Variants in PREX2 observed in about 807,000 individuals in gnomAD.
PREX2 encodes the protein phosphatidylinositol 3,4,5-trisphosphate-dependent Rac exchanger 2 protein.
A neutral mutation model predicts 203.2 loss-of-function variants in PREX2; 107 were observed. The observed-to-expected ratio is 0.53, with a 90% confidence interval of 0.45 to 0.62. The LOEUF (loss-of-function observed/expected upper bound fraction) is 0.62, where lower values mean the gene tolerates loss of function less well. Among genes scored for constraint, PREX2 ranks in the 20% least tolerant of loss-of-function variants. The pLI is 0.00. For synonymous variants in PREX2, 672 were observed against 663.6 expected, an observed-to-expected ratio of 1.01 and a Z score of -0.19; for missense variants, 1,777 against 1,955.9, an observed-to-expected ratio of 0.91 and a Z score of 1.72.
chr8:67,980,987 C>G (rs1585674590), intron 1 of PREX2, among the ~76,000 whole-genome samples: 1 of 152,154 alleles, frequency 6.6e-6, no homozygotes, highest in Non-Finnish European at 1.5e-5. Flanking sequence ...ATTCAACAAC[C>G]TGGTGTAAGT....
At position 68,133,999 on chromosome 8, in the gene PREX2, A is replaced by G. The variant is rs1811059400; in HGVS notation, c.3767-60A>G. ...GCTAGTGAATGTAGATGCTGAACGC[A>G]TTGGTTTTCACCATCTGCAACATTT... On this transcript the variant is annotated intron_variant, in intron 31 of 39. Transcript: ENST00000288368. 3.7e-6 allele frequency: 5 copies of G among 1,336,948 alleles called. No homozygotes were observed. In the East Asian group the frequency reaches 6.9e-5, roughly 18 times the overall value. The allele number at this position is 1,336,948 out of a possible 1,614,324, so 82.8% of individuals were successfully genotyped here. A position where few individuals can be genotyped will look rare whatever the true frequency, so the allele number is the denominator to read the frequency against.
At position 68,191,771 on chromosome 8, in the gene PREX2, G is replaced by A; in HGVS notation, c.4396G>A (p.Ala1466Thr). ...SNSPPNSTSK[A>T]AYVDKLMRPL... ...TTCACCACCAAACTCCACATCCAAAGCTGCCTATGTAGATAAGGTAAAAAC... is the reference window on the plus strand; with the variant it reads ...TTCACCACCAAACTCCACATCCAAAACTGCCTATGTAGATAAGGTAAAAAC... The change falls in exon 36 of 40, where the codon GCT becomes ACT. Residue 1466 changes from alanine to threonine, a missense_variant. Transcript: ENST00000288368. 6.2e-7 allele frequency: 1 copy of A among 1,608,086 alleles called. No individual in the cohort carries two copies. Among genetic ancestry groups the A allele is most frequent in the South Asian group, 1.1e-5 (1 of 90,870 alleles).
intron 8 of PREX2, among the ~76,000 whole-genome samples, chr8:68,051,076 G>T (rs1808515027): frequency 6.6e-6 from 1 of 152,010 alleles, no homozygotes; most frequent in African/African-American, 2.4e-5. Context: ...TTGAGGGAGG[G>T]CCAGCAGGGT....
intron 7 of PREX2, among the ~76,000 whole-genome samples, chr8:68,042,604 C>T (rs937453821): frequency 6.6e-6 from 1 of 152,072 alleles, no homozygotes; most frequent in Non-Finnish European, 1.5e-5. Context: ...CTATTGTATA[C>T]ATTCTTGTAT....
At chr8:68,123,177 C>T (rs1810815192) in intron 30 of PREX2, among the ~76,000 whole-genome samples, 1 of 151,996 alleles carries the variant, frequency 6.6e-6, no homozygotes, top group Admixed American at 6.6e-5. Context: ...CTTTATAAAT[C>T]TGGGAAATTA....
intron 3 of PREX2, among the ~76,000 whole-genome samples, chr8:68,020,993 A>G (rs1043860431): frequency 3.3e-5 from 5 of 152,208 alleles, no homozygotes; most frequent in Admixed American, 6.5e-5. Context: ...CAAAATTTCA[A>G]TGGGCGCACT....
At chr8:67,978,128 C>T (rs1321557363) in intron 1 of PREX2, among the ~76,000 whole-genome samples, 1 of 152,176 alleles carries the variant, frequency 6.6e-6, no homozygotes, top group African/African-American at 2.4e-5. Flanking sequence ...CCTGTGGAAT[C>T]TGACGCTATC....
chr8:68,160,444 T>G (rs1219538244), intron 35 of PREX2, among the ~76,000 whole-genome samples: 1 of 152,074 alleles, frequency 6.6e-6, no homozygotes, highest in African/African-American at 2.4e-5. Flanking sequence ...CAAACCAGAA[T>G]TTTAGAAAGC....
chr8:68,122,329 G>A (rs1408772082), intron 30 of PREX2, among the ~76,000 whole-genome samples: 2 of 151,812 alleles, frequency 1.3e-5, no homozygotes, highest in Non-Finnish European at 1.5e-5. Flanking sequence ...TTTGACAGCT[G>A]GTTTTCTTGG....
Position 68,236,192 on chromosome 8 carries a change from A to G in PREX2, c.*4814A>G, listed in dbSNP as rs1302064835. The G allele has an allele frequency of 6.6e-6, 1 of 152,150 alleles. No homozygotes were observed. The highest frequency in any genetic ancestry group is 2.4e-5 in the African/African-American group (1 of 41,452). 9.4% of individuals were successfully genotyped at this position (152,150 alleles called of 1,614,324 possible). On this transcript the variant is annotated 3_prime_UTR_variant, in exon 40 of 40. Transcript: ENST00000288368. ...ATCACTGACACTACTTTGCTGTTCA[A>G]TCTGGAATCAACTGACCTGGCTCTG... is the stretch of plus-strand genomic sequence containing the variant.
intron 23 of PREX2, chr8:68,106,163 G>A: frequency 5.8e-6 from 2 of 345,036 alleles, no homozygotes; most frequent in South Asian, 4.6e-5. Context: ...AAGAAGGCAA[G>A]AGAAGCATAA....
chr8:68,148,058 G>A (rs1811362896), intron 34 of PREX2, among the ~76,000 whole-genome samples: 2 of 152,030 alleles, frequency 1.3e-5, no homozygotes, highest in Admixed American at 6.6e-5. Flanking sequence ...ACAAGCCCAG[G>A]CAACATGGTG....
At chr8:68,167,246 A>G (rs183895397) in intron 35 of PREX2, among the ~76,000 whole-genome samples, 246 of 152,078 alleles carry the variant, frequency 1.6e-3, no homozygotes, top group African/African-American at 5.6e-3. Context: ...ACTCCTCAGC[A>G]TGGCAGTTGG....
In PREX2 at chr8:68,219,461, T is replaced by C. The variant is rs1052676480; in HGVS notation, c.4707+1743T>C. Among the ~76,000 whole-genome samples, 9 of 152,268 alleles carry C rather than the reference T, an allele frequency of 5.9e-5. No individual in the cohort carries two copies. The East Asian group carries it at 1.5e-3, about 26-fold the overall frequency. On this transcript the variant is annotated intron_variant, in intron 38 of 39. Transcript: ENST00000288368. Reference sequence around the variant, plus strand: ...AATTTTAAAACTCAAAAGTCATGGGTTCCTTATAAAATTCCTGTTGGTATA... The same window carrying C: ...AATTTTAAAACTCAAAAGTCATGGGCTCCTTATAAAATTCCTGTTGGTATA...
rs376352616 is a variant in PREX2 at position 67,960,821 on chromosome 8, A to C, written c.141+8286A>C. Among the ~76,000 whole-genome samples, 187 of 152,158 alleles carry C rather than the reference A, an allele frequency of 1.2e-3. 2 individuals carry two copies. Among genetic ancestry groups the C allele is most frequent in the African/African-American group, 4.3e-3 (178 of 41,530 alleles). ...TTGGACACACACTTTCAGGAATAGA[A>C]AAGGGAATTGAGCTTGGACATCTGA... is the stretch of plus-strand genomic sequence containing the variant. On this transcript the variant is annotated intron_variant, in intron 1 of 39. Coordinates refer to ENST00000288368, the MANE Select transcript of PREX2 (RefSeq NM_024870.4).
intron 1 of PREX2, among the ~76,000 whole-genome samples, chr8:67,994,462 C>G (rs766596063): frequency 6.6e-6 from 1 of 152,124 alleles, no homozygotes; most frequent in Non-Finnish European, 1.5e-5. Context: ...ATGATTGCAG[C>G]CTTTTGATGT....
At chr8:68,217,560 C>T in intron 37 of PREX2, 56 bp from the exon 38 acceptor site, 1 of 1,287,222 alleles carries the variant, frequency 7.8e-7, no homozygotes, top group African/African-American at 1.5e-5. Flanking sequence ...TCCACATCAT[C>T]TCAAAGGGTG....
chr8:68,183,853 T>C (rs948154343), intron 35 of PREX2, among the ~76,000 whole-genome samples: 6 of 152,132 alleles, frequency 3.9e-5, no homozygotes, highest in Non-Finnish European at 2.9e-5. Flanking sequence ...TTAAAAAATA[T>C]GGTAAAGTCT....
intron 9 of PREX2, 58 bp from the exon 10 acceptor site, chr8:68,055,772 C>A: frequency 6.6e-7 from 1 of 1,504,612 alleles, no homozygotes; most frequent in Non-Finnish European, 9.2e-7. Context: ...GAAGCCATAA[C>A]TGAATGAATG....
Sources: gnomAD v4.1 joint callset for allele counts (sites outside exome capture counted in the v4.1 genomes callset) on GRCh38, gnomAD v4.1.1 for gene constraint, MANE v1.5 for transcripts, NCBI Gene and HGNC (gene_info 2026-07-23, HGNC 2026-07-21) for gene names.